FAM174A: variants seen among roughly 807,000 people sequenced by gnomAD.
The protein encoded by FAM174A is membrane protein FAM174A.
A neutral mutation model predicts 14.3 loss-of-function variants in FAM174A; 14 were observed. That is an observed-to-expected ratio of 0.98 (90% CI 0.65 to 1.53). The LOEUF is 1.53. Ranked by LOEUF, FAM174A falls within the 40% of genes most tolerant of loss-of-function variation. The pLI is 0.00. For missense variants in FAM174A, 241 were observed against 249.6 expected (o/e 0.97, Z 0.23); for synonymous variants, 108 against 111.4 (o/e 0.97, Z 0.19).
At chr5:100,546,518 G>A (rs1005748743) in intron 1 of FAM174A, among the ~76,000 whole-genome samples, 5 of 152,094 alleles carry the variant, frequency 3.3e-5, no homozygotes, top group Non-Finnish European at 5.9e-5. Context: ...CTCTACTTTT[G>A]CCATCTCTTC....
intron 1 of FAM174A, 119 bp from the exon 2 acceptor site, chr5:100,561,935 A>T: frequency 1.8e-6 from 1 of 563,586 alleles, no homozygotes; most frequent in East Asian, 3.7e-5. Flanking sequence ...CATATCTGAA[A>T]TGTAACCATT....
At chr5:100,567,553 A>T (rs1340427060) in intron 2 of FAM174A, among the ~76,000 whole-genome samples, 1 of 151,948 alleles carries the variant, frequency 6.6e-6, no homozygotes, top group Non-Finnish European at 1.5e-5. Context: ...AAATAATTTT[A>T]AACTTACAGA....
chr5:100,549,815 A>C (rs1351732805), intron 1 of FAM174A, among the ~76,000 whole-genome samples: 1 of 152,108 alleles, frequency 6.6e-6, no homozygotes, highest in African/African-American at 2.4e-5. Context: ...AAACTACAAT[A>C]ATCTGCGAAC....
At chr5:100,580,055 A>G (rs1321354035) in intron 2 of FAM174A, among the ~76,000 whole-genome samples, 1 of 152,194 alleles carries the variant, frequency 6.6e-6, no homozygotes, top group Non-Finnish European at 1.5e-5. Context: ...CATGAAATAA[A>G]CTTTTTGAAG....
chr5:100,568,315 C>G (rs2112391963), intron 2 of FAM174A, among the ~76,000 whole-genome samples: 1 of 151,924 alleles, frequency 6.6e-6, no homozygotes, highest in South Asian at 2.1e-4. Flanking sequence ...ATCAGATGTT[C>G]TAGACTCTTT....
At chr5:100,578,531 A>C (rs1247002604) in intron 2 of FAM174A, among the ~76,000 whole-genome samples, 1 of 152,204 alleles carries the variant, frequency 6.6e-6, no homozygotes, top group Non-Finnish European at 1.5e-5. Flanking sequence ...ATAATTGATC[A>C]GGATGACACT....
intron 1 of FAM174A, among the ~76,000 whole-genome samples, chr5:100,541,874 T>C (rs967569221): frequency 3.5e-4 from 53 of 152,220 alleles, no homozygotes; most frequent in Non-Finnish European, 4.4e-4. Context: ...GGTTCTTACT[T>C]TGACTTCTGA....
chr5:100,558,510 G>A (rs1316152256), intron 1 of FAM174A, among the ~76,000 whole-genome samples: 2 of 152,010 alleles, frequency 1.3e-5, no homozygotes, highest in Non-Finnish European at 2.9e-5. Context: ...TTTCTGTCTG[G>A]TTGATCTGTC....
chr5:100,538,913 C>T (rs1371653319), intron 1 of FAM174A, among the ~76,000 whole-genome samples: 1 of 152,038 alleles, frequency 6.6e-6, no homozygotes, highest in Non-Finnish European at 1.5e-5. Context: ...TTGGTTTTAG[C>T]ACGTATGGTA....
At chr5:100,581,482 G>C in intron 2 of FAM174A, 1 of 691,674 alleles carries the variant, frequency 1.4e-6, no homozygotes, top group Non-Finnish European at 1.8e-6. Flanking sequence ...GCCCAGCATG[G>C]TGGCTCATGC....
intron 2 of FAM174A, among the ~76,000 whole-genome samples, chr5:100,570,245 T>C (rs1332137055): frequency 6.6e-6 from 1 of 151,876 alleles, no homozygotes; most frequent in Non-Finnish European, 1.5e-5. Context: ...CTTCTGTGGC[T>C]TAGACATTTT....
intron 2 of FAM174A, among the ~76,000 whole-genome samples, chr5:100,578,714 G>C (rs571459224): frequency 5.9e-5 from 9 of 152,142 alleles, no homozygotes; most frequent in African/African-American, 2.2e-4. Flanking sequence ...ATTCCTCACA[G>C]TTAATAAAAA....
intron 2 of FAM174A, among the ~76,000 whole-genome samples, chr5:100,571,538 C>A (rs909179200): frequency 6.7e-6 from 1 of 148,766 alleles, no homozygotes; most frequent in Non-Finnish European, 1.5e-5. Context: ...TATTTAAATA[C>A]TTAAATGTAT....
chr5:100,574,490 A>C (rs1283141091), intron 2 of FAM174A, among the ~76,000 whole-genome samples: 1 of 152,092 alleles, frequency 6.6e-6, no homozygotes, highest in Non-Finnish European at 1.5e-5. Context: ...ACCGGGCCTC[A>C]AACTTAAAAT....
At chr5:100,574,059 A>G (rs1746850715) in intron 2 of FAM174A, among the ~76,000 whole-genome samples, 2 of 152,220 alleles carry the variant, frequency 1.3e-5, no homozygotes, top group South Asian at 4.1e-4. Context: ...TAAGACAGTC[A>G]TGTATAAACC....
At chr5:100,536,756 C>T (rs760288393) in intron 1 of FAM174A, among the ~76,000 whole-genome samples, 13 of 152,182 alleles carry the variant, frequency 8.5e-5, no homozygotes, top group Non-Finnish European at 1.8e-4. Flanking sequence ...ACGTTTTTCC[C>T]ATAAATACCC....
chr5:100,535,458 G>A lies in FAM174A; in HGVS notation c.-73G>A. ...TCACCTCTGCTTCATTCTCCACCGC[G>A]CCTATGGTCCCTCTTGGAGCCAGCG... On this transcript the variant is annotated 5_prime_UTR_variant, in exon 1 of 3. Coordinates refer to ENST00000312637, the MANE Select transcript of FAM174A (RefSeq NM_198507.3). The A allele has an allele frequency of 6.5e-7, 1 of 1,530,786 alleles. No homozygotes were observed. The highest frequency in any genetic ancestry group is 1.2e-5 in the South Asian group (1 of 84,328). 94.8% of individuals were successfully genotyped at this position (1,530,786 alleles called of 1,614,324 possible). A position where few individuals can be genotyped will look rare whatever the true frequency, so the allele number is the denominator to read the frequency against.
At chr5:100,563,168 C>T (rs950494117) in intron 2 of FAM174A, among the ~76,000 whole-genome samples, 1 of 151,850 alleles carries the variant, frequency 6.6e-6, no homozygotes, top group African/African-American at 2.4e-5. Flanking sequence ...TCATTTAATA[C>T]AAATATGTTC....
chr5:100,551,898 T>C (rs1746270481), intron 1 of FAM174A, among the ~76,000 whole-genome samples: 1 of 152,188 alleles, frequency 6.6e-6, no homozygotes, highest in African/African-American at 2.4e-5. Flanking sequence ...CCTACCTTAA[T>C]GATCTCATTT....
Sources: allele counts gnomAD v4.1 joint callset (sites outside exome capture counted in the v4.1 genomes callset), GRCh38; gene constraint gnomAD v4.1.1; transcripts MANE v1.5; gene names NCBI Gene and HGNC (gene_info 2026-07-23, HGNC 2026-07-21).